ABCA13: variants seen among roughly 807,000 people sequenced by gnomAD.
The protein encoded by ABCA13 is ATP binding cassette subfamily A member 13, also known as ATP-binding cassette sub-family A member 13.
Under a neutral mutation model 478.7 loss-of-function variants are expected in ABCA13, and 476 were observed. That is an observed-to-expected ratio of 0.99 (90% confidence interval 0.92 to 1.07). The LOEUF (loss-of-function observed/expected upper bound fraction) is 1.07. ABCA13 is among the 50% of genes least tolerant of loss of function. The probability of loss-of-function intolerance (pLI) is 0.00; values close to 1 mark genes in which losing one functional copy is unlikely to be tolerated. For synonymous variants in ABCA13, 2,252 were observed against 2,158.9 expected (o/e 1.04, Z -1.20); for missense variants, 6,060 against 5,910.6 (o/e 1.03, Z -0.83).
chr7:48,404,053 A>G (rs368191649), intron 39 of ABCA13, 174 bp downstream of exon 39: 16 of 741,248 alleles, frequency 2.2e-5, no homozygotes, highest in Admixed American at 1.9e-4. Context: ...TAACATCTCT[A>G]TAGTGCTTAG....
At chr7:48,611,854 A>T (rs1037060453) in intron 58 of ABCA13, 1 of 152,242 alleles carries the variant, frequency 6.6e-6, no homozygotes, top group Non-Finnish European at 1.5e-5. Flanking sequence ...CTTTAATTAG[A>T]GTACCTACAG....
intron 20 of ABCA13, among the ~76,000 whole-genome samples, chr7:48,294,372 A>T (rs1199305528): frequency 6.7e-6 from 1 of 150,034 alleles, no homozygotes; most frequent in Non-Finnish European, 1.5e-5. Flanking sequence ...CAACATCTTC[A>T]TTCCTCCCAA....
intron 3 of ABCA13, among the ~76,000 whole-genome samples, chr7:48,202,527 G>T (rs1306452160): frequency 6.7e-6 from 1 of 149,160 alleles, no homozygotes; most frequent in East Asian, 2.0e-4. Flanking sequence ...ACAGAGTGTC[G>T]ATTGTTGCAC....
intron 2 of ABCA13, among the ~76,000 whole-genome samples, chr7:48,193,915 A>G (rs1797509527): frequency 4.0e-5 from 2 of 49,820 alleles, no homozygotes; most frequent in Non-Finnish European, 7.8e-5. Flanking sequence ...GATGATAGTG[A>G]TGATGCTGAC....
chr7:48,392,160 C>T (rs1214131135), intron 38 of ABCA13, 21 bp downstream of exon 38: 11 of 1,604,922 alleles, frequency 6.9e-6, no homozygotes, highest in African/African-American at 2.7e-5. Flanking sequence ...AGTTGTCTCT[C>T]TGCTCCTCCT....
intron 23 of ABCA13, among the ~76,000 whole-genome samples, chr7:48,308,614 A>G (rs1232473595): frequency 1.3e-5 from 2 of 152,104 alleles, no homozygotes; most frequent in African/African-American, 4.8e-5. Flanking sequence ...CATCTCCATT[A>G]TAATCATATT....
intron 42 of ABCA13, among the ~76,000 whole-genome samples, chr7:48,453,004 T>C (rs1256974112): frequency 6.6e-6 from 1 of 152,192 alleles, no homozygotes; most frequent in Non-Finnish European, 1.5e-5. Context: ...TATGTGTGTA[T>C]ATATATAGAT....
At chr7:48,419,353 A>G (rs1820435014) in intron 41 of ABCA13, among the ~76,000 whole-genome samples, 2 of 152,320 alleles carry the variant, frequency 1.3e-5, no homozygotes, top group East Asian at 3.9e-4. Context: ...TTCCTTTTGG[A>G]AATTTCTCAG....
intron 59 of ABCA13, among the ~76,000 whole-genome samples, chr7:48,624,906 C>G (rs541287592): frequency 6.6e-6 from 1 of 152,100 alleles, no homozygotes; most frequent in East Asian, 1.9e-4. Context: ...ATAAAGAAAA[C>G]ACAGCTTCAA....
intron 55 of ABCA13, among the ~76,000 whole-genome samples, chr7:48,542,063 T>C (rs1475981415): frequency 1.3e-5 from 2 of 151,590 alleles, no homozygotes; most frequent in African/African-American, 4.8e-5. Context: ...CTAAATAAAA[T>C]ACATTCTTTG....
rs1202133946 is a variant in ABCA13 at position 48,288,175 on chromosome 7, A to T, written c.8955+97A>T. ...TCAAACTTGCTGCTTCGTTCTTATA[A>T]CTACAGCAATGGTGTCATACACAGT... On this transcript the variant is annotated intron_variant, in intron 20 of 61. Transcript: ENST00000435803. 4 of 1,082,512 alleles carry T rather than the reference A, an allele frequency of 3.7e-6. No individual in the cohort carries two copies. The East Asian group carries it at 9.5e-5, about 26-fold the overall frequency. The allele number at this position is 1,082,512 out of a possible 1,614,324, so 67.1% of individuals were successfully genotyped here.
intron 35 of ABCA13, among the ~76,000 whole-genome samples, chr7:48,381,141 G>T (rs1338016609): frequency 1.3e-5 from 2 of 152,076 alleles, no homozygotes; most frequent in Non-Finnish European, 2.9e-5. Flanking sequence ...GACCCTGTGT[G>T]GTGTGTCATG....
chr7:48,303,054 A>G (rs988810990), intron 23 of ABCA13, among the ~76,000 whole-genome samples: 9 of 152,046 alleles, frequency 5.9e-5, no homozygotes, highest in Non-Finnish European at 1.3e-4. Context: ...ATGGCATCTC[A>G]TTGTGGTTTT....
intron 42 of ABCA13, among the ~76,000 whole-genome samples, chr7:48,429,917 T>C (rs1288576643): frequency 6.6e-6 from 1 of 152,204 alleles, no homozygotes; most frequent in Non-Finnish European, 1.5e-5. Context: ...CCCGGTCATG[T>C]CATATATTGC....
At position 48,234,114 on chromosome 7, in the gene ABCA13, C is replaced by T. The variant is rs1435332581; in HGVS notation, c.860C>T (p.Thr287Met). The change falls in exon 8 of 62, where the codon ACG becomes ATG. Residue 287 changes from threonine to methionine, a missense_variant. Thr to Met is a moderately conservative substitution (Grantham distance 81, BLOSUM62 -1). Transcript: ENST00000435803. ...KSQFGFDDLH[T>M]EQILNSSAEL... Reference sequence around the variant, plus strand: ...CAGTTTGGCTTTGATGATCTTCACACGGAACAGATCCTGAACTCTTCAGCT... The same window carrying T: ...CAGTTTGGCTTTGATGATCTTCACATGGAACAGATCCTGAACTCTTCAGCT... 1.1e-5 allele frequency: 18 copies of T among 1,613,966 alleles called. No homozygotes were observed. The highest frequency in any genetic ancestry group is 1.3e-5 in the African/African-American group (1 of 75,040).
intron 3 of ABCA13, among the ~76,000 whole-genome samples, chr7:48,218,516 C>T (rs1786830934): frequency 6.6e-6 from 1 of 152,018 alleles, no homozygotes; most frequent in Non-Finnish European, 1.5e-5. Context: ...GATCCTCTCT[C>T]TACATTTTTT....
At chr7:48,618,683 T>G (rs143058430) in intron 59 of ABCA13, among the ~76,000 whole-genome samples, 1 of 152,058 alleles carries the variant, frequency 6.6e-6, no homozygotes, top group Non-Finnish European at 1.5e-5. Context: ...TCTGCTACTT[T>G]GAATAACTTT....
At chr7:48,639,870 T>C (rs752856904) in intron 59 of ABCA13, among the ~76,000 whole-genome samples, 5 of 152,196 alleles carry the variant, frequency 3.3e-5, no homozygotes, top group Non-Finnish European at 7.3e-5. Flanking sequence ...AGTCGTAGAG[T>C]ATGAGACATT....
intron 55 of ABCA13, among the ~76,000 whole-genome samples, chr7:48,558,289 A>C: frequency 7.0e-6 from 1 of 143,028 alleles, no homozygotes; most frequent in South Asian, 2.2e-4. Flanking sequence ...TCTATCACCC[A>C]GGCTGGAGTG....
Sources: gnomAD v4.1 joint callset for allele counts (sites outside exome capture counted in the v4.1 genomes callset) on GRCh38, gnomAD v4.1.1 for gene constraint, MANE v1.5 for transcripts, NCBI Gene and HGNC (gene_info 2026-07-23, HGNC 2026-07-21) for gene names.